The following PAK5 variants were observed in gnomAD, a reference collection of about 807,000 sequenced individuals.
The protein encoded by PAK5 is p21 (RAC1) activated kinase 5.
In PAK5, 16 loss-of-function variants were observed where a neutral mutation model predicts 65.9. That is an observed-to-expected ratio of 0.24 (90% confidence interval 0.16 to 0.37). The LOEUF (loss-of-function observed/expected upper bound fraction) is 0.37. Among genes scored for constraint, PAK5 ranks in the 10% least tolerant of loss-of-function variants. The pLI, the probability that PAK5 is intolerant of heterozygous loss-of-function variation, is 1.00. For synonymous variants in PAK5, 371 were observed against 354.9 expected, an observed-to-expected ratio of 1.05 and a Z score of -0.51; for missense variants, 785 against 903.9, an observed-to-expected ratio of 0.87 and a Z score of 1.69.
At position 9,819,086 on chromosome 20, in the gene PAK5, T is replaced by G. The variant is rs556273284; in HGVS notation, c.-162+19676A>C. Among the ~76,000 whole-genome samples the G allele has an allele frequency of 5.3e-5, 8 of 152,326 alleles. No individual in the cohort carries two copies. In the South Asian group the frequency reaches 1.7e-3, roughly 32 times the overall value. On this transcript the variant is annotated intron_variant, in intron 1 of 9. Transcript: ENST00000353224. The stretch of plus-strand genomic sequence containing the variant: ...GAAAGCATCAGGATAAGCTGAGGGC[T>G]TGGGTGCATATATTTCATGTTACCT...
intron 1 of PAK5, among the ~76,000 whole-genome samples, chr20:9,781,005 T>G (rs1295617477): frequency 6.6e-6 from 1 of 152,186 alleles, no homozygotes; most frequent in African/African-American, 2.4e-5. Context: ...AAACAGTGCC[T>G]AATACAGCAT....
chr20:9,827,047 T>G (rs200242665), intron 1 of PAK5, among the ~76,000 whole-genome samples: 17,659 of 60,314 alleles, frequency 0.29, 1,289 homozygotes, highest in Middle Eastern at 0.4. Context: ...ATATTGGAAT[T>G]TTTTTTCTTT....
chr20:9,740,630 A>G (rs1163849621), intron 1 of PAK5, among the ~76,000 whole-genome samples: 1 of 152,206 alleles, frequency 6.6e-6, no homozygotes, highest in Non-Finnish European at 1.5e-5. Flanking sequence ...TGAACTTGAG[A>G]ACGTACCTTG....
At chr20:9,802,737 G>A (rs372138263) in intron 1 of PAK5, among the ~76,000 whole-genome samples, 5 of 151,390 alleles carry the variant, frequency 3.3e-5, no homozygotes, top group African/African-American at 1.2e-4. Context: ...TAGGAGATGT[G>A]ATTGTTCTGC....
intron 3 of PAK5, among the ~76,000 whole-genome samples, chr20:9,640,180 G>A (rs797022496): frequency 3.3e-3 from 502 of 150,732 alleles, no homozygotes; most frequent in African/African-American, 9.1e-3. Flanking sequence ...AGCATTAGGT[G>A]TATCTCCTAA....
intron 3 of PAK5, among the ~76,000 whole-genome samples, chr20:9,599,763 A>T (rs1190524572): frequency 3.9e-5 from 6 of 152,100 alleles, no homozygotes; most frequent in Admixed American, 3.9e-4. Flanking sequence ...TTAATCCCTT[A>T]TCAGATATAT....
chr20:9,628,750 C>G (rs2046881292), intron 3 of PAK5, among the ~76,000 whole-genome samples: 1 of 152,178 alleles, frequency 6.6e-6, no homozygotes, highest in Admixed American at 6.5e-5. Flanking sequence ...CAGAGGCCAC[C>G]TGCAGAAATT....
intron 3 of PAK5, among the ~76,000 whole-genome samples, chr20:9,642,267 C>T (rs564223032): frequency 6.6e-6 from 1 of 152,342 alleles, no homozygotes; most frequent in South Asian, 2.1e-4. Context: ...TTTACAGTCC[C>T]ACCAACAATG....
Position 9,539,340 on chromosome 20 carries a change from G to A in PAK5, c.*122C>T, listed in dbSNP as rs533284804. On this transcript the variant is annotated 3_prime_UTR_variant, in exon 10 of 10. Transcript: ENST00000353224. The stretch of plus-strand genomic sequence containing the variant: ...TCTGTTGAACCCTGCCGGTCATCAC[G>A]CTGTCCCACCAATTGGCTGGTCTAG... 1.9e-5 allele frequency: 17 copies of A among 899,850 alleles called. No individual in the cohort carries two copies. The highest frequency in any genetic ancestry group is 4.9e-5 in the East Asian group (2 of 41,164). The allele number at this position is 899,850 out of a possible 1,614,324, so 55.7% of individuals were successfully genotyped here.
chr20:9,783,060 G>C (rs2048958640), intron 1 of PAK5, among the ~76,000 whole-genome samples: 1 of 151,832 alleles, frequency 6.6e-6, no homozygotes, highest in Non-Finnish European at 1.5e-5. Flanking sequence ...CTCCCAAGTA[G>C]CTAGGATTAC....
chr20:9,665,467 T>C (rs1164888400), intron 2 of PAK5, among the ~76,000 whole-genome samples: 1 of 152,106 alleles, frequency 6.6e-6, no homozygotes, highest in Non-Finnish European at 1.5e-5. Flanking sequence ...GCGGAAATTA[T>C]GTGTGACTTC....
At chr20:9,804,938 G>T (rs1431700935) in intron 1 of PAK5, among the ~76,000 whole-genome samples, 2 of 151,858 alleles carry the variant, frequency 1.3e-5, no homozygotes, top group Admixed American at 6.6e-5. Context: ...AGTGTGAAAA[G>T]GTGACCCACA....
At chr20:9,686,100 ATTC>A (rs1354547375) in intron 2 of PAK5, among the ~76,000 whole-genome samples, 2 of 152,224 alleles carry the variant, frequency 1.3e-5, no homozygotes, top group Non-Finnish European at 2.9e-5. Context: ...GGCTTTCTAA[ATTC>A]TTCAGTAATA....
intron 1 of PAK5, among the ~76,000 whole-genome samples, chr20:9,715,490 A>T (rs1600279259): frequency 6.6e-6 from 1 of 152,204 alleles, no homozygotes; most frequent in African/African-American, 2.4e-5. Context: ...CAGTGTGGTG[A>T]TTCCTCAGGG....
Position 9,557,597 on chromosome 20 carries a change from G to C in PAK5, c.1743+11C>G, listed in dbSNP as rs756182371. 2 of 1,603,868 alleles carry C rather than the reference G, an allele frequency of 1.2e-6. No homozygotes were observed. The highest frequency in any genetic ancestry group is 1.7e-6 in the Non-Finnish European group (2 of 1,175,480). On this transcript the variant is annotated intron_variant, in intron 7 of 9. Transcript: ENST00000353224. ...GAAAAACTACGAACGGGCCAAACAT[G>C]AACATCTTACCCGGCCATCGCTTGT...
intron 9 of PAK5, among the ~76,000 whole-genome samples, chr20:9,540,990 C>G (rs1056750210): frequency 6.6e-6 from 1 of 152,202 alleles, no homozygotes; most frequent in Non-Finnish European, 1.5e-5. Flanking sequence ...CCCACCTCGG[C>G]CTTCCAGAGT....
intron 3 of PAK5, among the ~76,000 whole-genome samples, chr20:9,600,589 T>C (rs2046342513): frequency 6.6e-6 from 1 of 152,258 alleles, no homozygotes; most frequent in Non-Finnish European, 1.5e-5. Context: ...CAGACTTATT[T>C]GTCATAATAG....
At chr20:9,689,470 C>T (rs1429980312) in intron 2 of PAK5, among the ~76,000 whole-genome samples, 1 of 152,184 alleles carries the variant, frequency 6.6e-6, no homozygotes, top group African/African-American at 2.4e-5. Context: ...TTTGTGTCTA[C>T]ATCCGGCAGC....
chr20:9,576,358 A>G (rs2045884834), intron 4 of PAK5, among the ~76,000 whole-genome samples: 1 of 152,186 alleles, frequency 6.6e-6, no homozygotes, highest in Non-Finnish European at 1.5e-5. Flanking sequence ...TAACTGGGCC[A>G]AGTTTGCCCT....
Sources: allele counts gnomAD v4.1 joint callset (sites outside exome capture counted in the v4.1 genomes callset), GRCh38; gene constraint gnomAD v4.1.1; transcripts MANE v1.5; gene names NCBI Gene and HGNC (gene_info 2026-07-23, HGNC 2026-07-21).